The following RBCK1 variants were observed in gnomAD, a reference collection of about 807,000 sequenced individuals.
The protein encoded by RBCK1 is ranBP-type and C3HC4-type zinc finger-containing protein 1.
RBCK1 carries 44 observed loss-of-function variants against 71.1 expected under a neutral mutation model. The ratio of observed to expected loss-of-function variants is 0.62; its 90% CI spans 0.49 to 0.80. The LOEUF is 0.80. Among genes scored for constraint, RBCK1 ranks in the 30% least tolerant of loss-of-function variants. The pLI, the probability that RBCK1 is intolerant of heterozygous loss-of-function variation, is 0.00. For missense variants in RBCK1, 569 were observed against 685.0 expected, an observed-to-expected ratio of 0.83 and a Z score of 1.89; for synonymous variants, 306 against 279.7, an observed-to-expected ratio of 1.09 and a Z score of -0.94.
At chr20:410,604 C>T (rs2015648970) in intron 2 of RBCK1, 1 of 774,208 alleles carries the variant, frequency 1.3e-6, no homozygotes, top group South Asian at 1.3e-5. Flanking sequence ...ACTGTATAGC[C>T]AAGATATTCA....
In RBCK1 at chr20:422,318, C is replaced by A; in HGVS notation, c.1029+80C>A. On this transcript the variant is annotated intron_variant, in intron 8 of 11. Coordinates refer to ENST00000356286, the MANE Select transcript of RBCK1 (RefSeq NM_031229.4). The surrounding 1 kb of genome is among the most constrained non-coding windows in gnomAD (Gnocchi z 5.0). ...CCCTGAGCAGGCAGCAGACATCTTTCTTTTCTTTCTTTTTTTTTTTTGGAG... is the reference window on the plus strand; with the variant it reads ...CCCTGAGCAGGCAGCAGACATCTTTATTTTCTTTCTTTTTTTTTTTTGGAG... 7.9e-6 allele frequency: 9 copies of A among 1,145,662 alleles called. No homozygotes were observed. The highest frequency in any genetic ancestry group is 1.1e-5 in the Non-Finnish European group (9 of 783,640). The allele number at this position is 1,145,662 out of a possible 1,614,324, so 71.0% of individuals were successfully genotyped here. A position where few individuals can be genotyped will look rare whatever the true frequency, so the allele number is the denominator to read the frequency against.
At chr20:420,477 A>C in intron 6 of RBCK1, 4 of 980,504 alleles carry the variant, frequency 4.1e-6, no homozygotes, top group Non-Finnish European at 4.8e-6. Context: ...TGGCTCCACC[A>C]GCCCTGGCCC....
chr20:409,864 G>T lies in RBCK1; in HGVS notation c.23-17G>T, dbSNP rs765059864. 2 of 1,611,736 alleles carry T rather than the reference G, an allele frequency of 1.2e-6. No homozygotes were observed. Among genetic ancestry groups the T allele is most frequent in the South Asian group, 1.1e-5 (1 of 90,832 alleles). On this transcript the variant is annotated splice_polypyrimidine_tract_variant and intron_variant, in intron 1 of 11. Coordinates refer to ENST00000356286, the MANE Select transcript of RBCK1 (RefSeq NM_031229.4). The stretch of plus-strand genomic sequence containing the variant: ...ATAAACCCTGTGCTAACTGGCTCCT[G>T]CTGTACTGGCTTTCAGCAGAGGAAA...
rs1203285203 is a variant in RBCK1 at position 420,855 on chromosome 20, C to A, written c.757-16C>A. 10 of 1,546,124 alleles carry A rather than the reference C, an allele frequency of 6.5e-6. No individual in the cohort carries two copies. Among genetic ancestry groups the A allele is most frequent in the Non-Finnish European group, 8.7e-6 (10 of 1,147,712 alleles). ...GAGGCCCTGACCCGCCCCGTGGCCCCGCCCCGTGTGCCCAGCGGAAGCAGC... is the reference window on the plus strand; with the variant it reads ...GAGGCCCTGACCCGCCCCGTGGCCCAGCCCCGTGTGCCCAGCGGAAGCAGC... On this transcript the variant is annotated splice_polypyrimidine_tract_variant and intron_variant, in intron 6 of 11. Transcript: ENST00000356286.
chr20:410,696 A>G (rs1256032506), intron 2 of RBCK1: 3 of 626,318 alleles, frequency 4.8e-6, no homozygotes, highest in Non-Finnish European at 8.7e-6. Context: ...CTTAAACTCA[A>G]TGCTGAAACA....
chr20:428,466 AC>A lies in RBCK1; in HGVS notation c.1210-23del. Reference sequence around the variant, plus strand: ...TCTTAACCCCCTGAGGAACCTTCTTACCTTGAGTCCCTCACCCGCTACAGGC... The same window carrying A: ...TCTTAACCCCCTGAGGAACCTTCTTACTTGAGTCCCTCACCCGCTACAGGC... On this transcript the variant is annotated intron_variant, in intron 9 of 11. Transcript: ENST00000356286. The surrounding 1 kb of genome is among the most constrained non-coding windows in gnomAD (Gnocchi z 5.7). 2 of 1,551,832 alleles carry A rather than the reference AC, an allele frequency of 1.3e-6. No individual in the cohort carries two copies. Among genetic ancestry groups the A allele is most frequent in the Admixed American group, 1.9e-5 (1 of 51,326 alleles).
chr20:423,090 G>T (rs1364718648), intron 8 of RBCK1, among the ~76,000 whole-genome samples: 1 of 152,138 alleles, frequency 6.6e-6, no homozygotes, highest in Non-Finnish European at 1.5e-5. Flanking sequence ...ACCTGAGGTC[G>T]GGAATTCGAG....
At position 422,276 on chromosome 20, in the gene RBCK1, A is replaced by G; in HGVS notation, c.1029+38A>G. On this transcript the variant is annotated intron_variant, in intron 8 of 11. Transcript: ENST00000356286. This position sits in a 1 kb window ranked among gnomAD's most constrained non-coding sequence, Gnocchi z 5.0. Reference sequence around the variant, plus strand: ...GGTGGGAGACATACCCCAAGTCCCAACTCCTAAGGAACTGGGCCCTGAGCA... The same window carrying G: ...GGTGGGAGACATACCCCAAGTCCCAGCTCCTAAGGAACTGGGCCCTGAGCA... 2 of 1,556,418 alleles carry G rather than the reference A, an allele frequency of 1.3e-6. No individual in the cohort carries two copies. Among genetic ancestry groups the G allele is most frequent in the Non-Finnish European group, 8.9e-7 (1 of 1,129,880 alleles).
intron 2 of RBCK1, among the ~76,000 whole-genome samples, chr20:414,535 C>A (rs1000199903): frequency 3.9e-5 from 6 of 152,184 alleles, no homozygotes; most frequent in Admixed American, 3.3e-4. Context: ...TGTTCACCAG[C>A]GATCCTGATG....
intron 2 of RBCK1, among the ~76,000 whole-genome samples, chr20:412,283 T>G (rs1568550082): frequency 2.6e-5 from 4 of 152,178 alleles, no homozygotes; most frequent in Admixed American, 2.0e-4. Context: ...CTTTGGAGGT[T>G]TGCCTATTCA....
In RBCK1 at chr20:431,197, TGTGC is replaced by T. The variant is rs2017002184; in HGVS notation, c.*768_*771del. On this transcript the variant is annotated 3_prime_UTR_variant, in exon 12 of 12. Coordinates refer to ENST00000356286, the MANE Select transcript of RBCK1 (RefSeq NM_031229.4). The surrounding 1 kb of genome is among the most constrained non-coding windows in gnomAD (Gnocchi z 4.8). Reference sequence around the variant, plus strand: ...TCACCGTCAGCCAGGACAGGTGGAGTGTGCAGTGTGTCAAGTCTGCAGAGAAGGA... The same window carrying T: ...TCACCGTCAGCCAGGACAGGTGGAGTAGTGTGTCAAGTCTGCAGAGAAGGA... 2.0e-5 allele frequency among the ~76,000 whole-genome samples: 3 copies of T among 151,940 alleles called. No homozygotes were observed. The highest frequency in any genetic ancestry group is 4.4e-5 in the Non-Finnish European group (3 of 67,988).
rs1165207885 is a variant in RBCK1 at position 408,624 on chromosome 20, A to G, written c.-134A>G. The G allele has an allele frequency of 3.0e-5, 35 of 1,155,018 alleles. No individual in the cohort carries two copies. The highest frequency in any genetic ancestry group is 3.8e-5 in the Non-Finnish European group (30 of 791,898). 71.5% of individuals were successfully genotyped at this position (1,155,018 alleles called of 1,614,324 possible). ...GCCGCGGGGACAGCGAGGCACACACAGGGCTTGGGCCGCGCCGGAGGCCAC... is the reference window on the plus strand; with the variant it reads ...GCCGCGGGGACAGCGAGGCACACACGGGGCTTGGGCCGCGCCGGAGGCCAC... On this transcript the variant is annotated 5_prime_UTR_variant, in exon 1 of 12. Coordinates refer to ENST00000356286, the MANE Select transcript of RBCK1 (RefSeq NM_031229.4).
Position 417,717 on chromosome 20 carries a change from C to T in RBCK1, c.262-15C>T. On this transcript the variant is annotated splice_polypyrimidine_tract_variant and intron_variant, in intron 3 of 11. Transcript: ENST00000356286. The surrounding 1 kb of genome is among the most constrained non-coding windows in gnomAD (Gnocchi z 4.7). The stretch of plus-strand genomic sequence containing the variant: ...GGCCCTCCCTTCCCACTCTCCCTCT[C>T]TTTGCCCCCACCAGGTTTTTCTGGA... The T allele has an allele frequency of 6.2e-7, 1 of 1,609,442 alleles. No individual in the cohort carries two copies. Among genetic ancestry groups the T allele is most frequent in the Non-Finnish European group, 8.5e-7 (1 of 1,176,028 alleles).
intron 1 of RBCK1, 68 bp downstream of exon 1, chr20:408,847 C>CCCCT: frequency 6.4e-7 from 1 of 1,560,412 alleles, no homozygotes; most frequent in Non-Finnish European, 8.7e-7. Context: ...CCTGGCCTTG[C>CCCCT]CCCTGGCCAG....
intron 8 of RBCK1, among the ~76,000 whole-genome samples, chr20:425,700 C>T (rs1568564672): frequency 6.8e-6 from 1 of 146,128 alleles, no homozygotes; most frequent in African/African-American, 2.6e-5. Flanking sequence ...GATCTTGGCT[C>T]ACTGCAACCT....
At position 428,486 on chromosome 20, in the gene RBCK1, T is replaced by A; in HGVS notation, c.1210-5T>A. The A allele has an allele frequency of 6.2e-7, 1 of 1,600,486 alleles. No individual in the cohort carries two copies. The highest frequency in any genetic ancestry group is 8.5e-7 in the Non-Finnish European group (1 of 1,173,744). ...TTCTTACCTTGAGTCCCTCACCCGCTACAGGCCATCCATGAGCAGATGAAC... is the reference window on the plus strand; with the variant it reads ...TTCTTACCTTGAGTCCCTCACCCGCAACAGGCCATCCATGAGCAGATGAAC... On this transcript the variant is annotated splice_region_variant and splice_polypyrimidine_tract_variant and intron_variant, in intron 9 of 11. Transcript: ENST00000356286. The surrounding 1 kb of genome is among the most constrained non-coding windows in gnomAD (Gnocchi z 5.7).
intron 8 of RBCK1, among the ~76,000 whole-genome samples, chr20:424,711 C>A (rs1316551018): frequency 6.6e-6 from 1 of 152,162 alleles, no homozygotes; most frequent in Admixed American, 6.5e-5. Context: ...AGAGGTTTCC[C>A]TGTGGAGTCC....
chr20:416,660 A>G (rs1026196230), intron 2 of RBCK1, among the ~76,000 whole-genome samples: 2 of 152,110 alleles, frequency 1.3e-5, no homozygotes, highest in Non-Finnish European at 2.9e-5. Flanking sequence ...GAGGATCCTC[A>G]AGAAAGTTAA....
intron 8 of RBCK1, among the ~76,000 whole-genome samples, chr20:424,890 C>T (rs1000278703): frequency 3.3e-5 from 5 of 152,138 alleles, no homozygotes; most frequent in Non-Finnish European, 5.9e-5. Flanking sequence ...TTTACAAAAA[C>T]AGAAAAATAT....
Sources: gnomAD v4.1 joint callset for allele counts (sites outside exome capture counted in the v4.1 genomes callset) on GRCh38, gnomAD v4.1.1 for gene constraint, Gnocchi (gnomAD v3.1) non-coding constraint, MANE v1.5 for transcripts, NCBI Gene and HGNC (gene_info 2026-07-23, HGNC 2026-07-21) for gene names.